Variants in GLS observed in about 807,000 individuals in gnomAD.
GLS encodes glutaminase.
Under a neutral mutation model 86.7 loss-of-function variants are expected in GLS, and 36 were observed. The observed-to-expected ratio is 0.42, with a 90% CI of 0.32 to 0.55. The LOEUF is 0.55. Ranked by LOEUF, GLS falls within the 20% of genes least tolerant of loss-of-function variation. The pLI is 0.17. For missense variants in GLS, 528 were observed against 833.4 expected (o/e 0.63, Z 4.51); for synonymous variants, 317 against 305.9 (o/e 1.04, Z -0.38).
At chr2:190,910,357 CT>C (rs397869711) in intron 7 of GLS, 36 bp downstream of exon 7, 26,349 of 909,124 alleles carry the variant, frequency 0.029, 5 homozygotes, top group South Asian at 0.052. Flanking sequence ...CCTAGTAAAA[CT>C]TTTTTTTTTT....
intron 14 of GLS, among the ~76,000 whole-genome samples, chr2:190,945,196 AC>A (rs1431261289): frequency 6.6e-6 from 1 of 152,222 alleles, no homozygotes; most frequent in African/African-American, 2.4e-5. Flanking sequence ...AACAGAAATA[AC>A]ATTTGGAGCA....
At chr2:190,892,281 A>G (rs989338015) in intron 1 of GLS, among the ~76,000 whole-genome samples, 1 of 152,200 alleles carries the variant, frequency 6.6e-6, no homozygotes, top group African/African-American at 2.4e-5. Flanking sequence ...CGAGAGAGAC[A>G]GTATAAGTTG....
chr2:190,930,371 T>C lies in GLS; in HGVS notation c.1426-66T>C. 1 of 1,239,456 alleles carries C rather than the reference T, an allele frequency of 8.1e-7. No homozygotes were observed. The highest frequency in any genetic ancestry group is 2.3e-5 in the East Asian group (1 of 42,624). 76.8% of individuals were successfully genotyped at this position (1,239,456 alleles called of 1,614,324 possible). ...TGGTGCCCAGCCCCAGTTTCCCTAT[T>C]GTTGAACATAACATTTCTTATTTTA... On this transcript the variant is annotated intron_variant, in intron 12 of 17. Coordinates refer to ENST00000320717, the MANE Select transcript of GLS (RefSeq NM_014905.5). This position sits in a 1 kb window ranked among gnomAD's most constrained non-coding sequence, Gnocchi z 5.0.
chr2:190,895,587 T>A lies in GLS; in HGVS notation c.484-17T>A. 1 of 1,570,848 alleles carries A rather than the reference T, an allele frequency of 6.4e-7. No individual in the cohort carries two copies. Among genetic ancestry groups the A allele is most frequent in the African/African-American group, 1.4e-5 (1 of 73,854 alleles). ...TTTGCACTATATATTTACAAACTCTTATTTTTTTAAAAACAGGCACTCAAA... is the reference window on the plus strand; with the variant it reads ...TTTGCACTATATATTTACAAACTCTAATTTTTTTAAAAACAGGCACTCAAA... On this transcript the variant is annotated splice_polypyrimidine_tract_variant and intron_variant, in intron 2 of 17. Coordinates refer to ENST00000320717, the MANE Select transcript of GLS (RefSeq NM_014905.5). This position sits in a 1 kb window ranked among gnomAD's most constrained non-coding sequence, Gnocchi z 4.2.
chr2:190,934,646 T>C (rs1337325925), intron 14 of GLS: 1 of 983,960 alleles, frequency 1.0e-6, no homozygotes, highest in Non-Finnish European at 1.2e-6. Context: ...TACCATTTCA[T>C]TCCGAAGTTG....
intron 4 of GLS, among the ~76,000 whole-genome samples, chr2:190,900,966 A>T (rs1292518928): frequency 1.3e-5 from 2 of 152,176 alleles, no homozygotes; most frequent in African/African-American, 4.8e-5. Context: ...AAAAAATCTT[A>T]TTCAGAATTT....
intron 1 of GLS, among the ~76,000 whole-genome samples, chr2:190,891,665 T>A (rs999255652): frequency 1.3e-5 from 2 of 152,036 alleles, no homozygotes; most frequent in Non-Finnish European, 2.9e-5. Context: ...CAAAGACAGT[T>A]CCTCTTTTCA....
rs994547231 is a variant in GLS, at chr2:190,933,152, G to A, written c.1650+1515G>A. 50 of 852,276 alleles carry A rather than the reference G, an allele frequency of 5.9e-5. No individual in the cohort carries two copies. The African/African-American group carries it at 7.8e-4, about 13-fold the overall frequency. 52.8% of individuals were successfully genotyped at this position (852,276 alleles called of 1,614,324 possible). On this transcript the variant is annotated intron_variant, in intron 14 of 17. Coordinates refer to ENST00000320717, the MANE Select transcript of GLS (RefSeq NM_014905.5). Reference sequence around the variant, plus strand: ...GATGTAATTAAAATGTTAACTATGTGGTCAGATAATCCCATTTTACAATAG... The same window carrying A: ...GATGTAATTAAAATGTTAACTATGTAGTCAGATAATCCCATTTTACAATAG...
In GLS at chr2:190,954,969, G is replaced by A. The variant is rs1001924323; in HGVS notation, c.1853+151G>A. The stretch of plus-strand genomic sequence containing the variant: ...AATAAACCTTGTTTCTACTAGATAG[G>A]TAATTCTGTCTCCCATATCCTGTTT... On this transcript the variant is annotated intron_variant, in intron 17 of 17. Coordinates refer to ENST00000320717, the MANE Select transcript of GLS (RefSeq NM_014905.5). This position sits in a 1 kb window ranked among gnomAD's most constrained non-coding sequence, Gnocchi z 4.0. 3.3e-6 allele frequency: 2 copies of A among 600,168 alleles called. No individual in the cohort carries two copies. The highest frequency in any genetic ancestry group is 3.7e-5 in the African/African-American group (2 of 53,768). 37.2% of individuals were successfully genotyped at this position (600,168 alleles called of 1,614,324 possible).
intron 17 of GLS, among the ~76,000 whole-genome samples, chr2:190,958,089 A>G (rs1690905436): frequency 2.0e-5 from 3 of 152,206 alleles, no homozygotes; most frequent in Non-Finnish European, 4.4e-5. Context: ...TTCAGAGGCT[A>G]TTAATTACTG....
intron 6 of GLS, among the ~76,000 whole-genome samples, chr2:190,908,025 G>T (rs546142282): frequency 2.6e-5 from 4 of 152,162 alleles, no homozygotes; most frequent in African/African-American, 7.2e-5. Flanking sequence ...ATGAATTGTG[G>T]ATGGTTGGGA....
At chr2:190,933,668 TAAAC>T (rs1304985264) in intron 14 of GLS, 8 of 954,902 alleles carry the variant, frequency 8.4e-6, no homozygotes, top group Non-Finnish European at 8.7e-6. Flanking sequence ...ATTGTTCACC[TAAAC>T]AATTTTATTT....
In GLS at chr2:190,955,806, TGATC is replaced by T. The variant is rs1266719263; in HGVS notation, c.1853+990_1853+993del. Reference sequence around the variant, plus strand: ...CCAGCATCTATTGTTTCCTTTTTAGTGATCGCCATTCTAACTGGTGTGAGATGGT... The same window carrying T: ...CCAGCATCTATTGTTTCCTTTTTAGTGCCATTCTAACTGGTGTGAGATGGT... On this transcript the variant is annotated intron_variant, in intron 17 of 17. Transcript: ENST00000320717. This position sits in a 1 kb window ranked among gnomAD's most constrained non-coding sequence, Gnocchi z 5.6. 2.0e-5 allele frequency among the ~76,000 whole-genome samples: 3 copies of T among 152,380 alleles called. No homozygotes were observed. In the East Asian group the frequency reaches 5.8e-4, roughly 29 times the overall value.
At chr2:190,922,184 T>C (rs1401360981) in intron 9 of GLS, among the ~76,000 whole-genome samples, 1 of 152,146 alleles carries the variant, frequency 6.6e-6, no homozygotes, top group Non-Finnish European at 1.5e-5. Flanking sequence ...GGGTGTGTTA[T>C]AAAAAACTTT....
chr2:190,880,872 CGCAGCAGCAGCA>C lies in GLS; in HGVS notation c.-176_-165del, dbSNP rs57674096. 3,420 of 742,372 alleles carry C rather than the reference CGCAGCAGCAGCA, an allele frequency of 4.6e-3. 96 individuals carry two copies. The highest frequency in any genetic ancestry group is 0.036 in the African/African-American group (1,981 of 55,738). The allele number at this position is 742,372 out of a possible 1,614,324, so 46.0% of individuals were successfully genotyped here. ...AGAACCGGTCGCGGCAATCCTAGCGCGCAGCAGCAGCAGCAGCAGCAGCAGCAGCAGCAGCAG... is the reference window on the plus strand; with the variant it reads ...AGAACCGGTCGCGGCAATCCTAGCGCGCAGCAGCAGCAGCAGCAGCAGCAG... On this transcript the variant is annotated 5_prime_UTR_variant, in exon 1 of 18. Transcript: ENST00000320717.
chr2:190,924,119 C>G lies in GLS; in HGVS notation c.1197+136C>G. 3.3e-6 allele frequency: 2 copies of G among 597,672 alleles called. No homozygotes were observed. The highest frequency in any genetic ancestry group is 5.9e-6 in the Non-Finnish European group (2 of 336,504). The allele number at this position is 597,672 out of a possible 1,614,324, so 37.0% of individuals were successfully genotyped here. A position where few individuals can be genotyped will look rare whatever the true frequency, so the allele number is the denominator to read the frequency against. ...AAGGTGCAGAAGTTTTTGCAGAGTGCTCGTGAGTCAGTGTTATCAAATTGT... is the reference window on the plus strand; with the variant it reads ...AAGGTGCAGAAGTTTTTGCAGAGTGGTCGTGAGTCAGTGTTATCAAATTGT... On this transcript the variant is annotated intron_variant, in intron 10 of 17. Transcript: ENST00000320717. The surrounding 1 kb of genome is among the most constrained non-coding windows in gnomAD (Gnocchi z 5.2).
Position 190,956,827 on chromosome 2 carries a change from G to GT in GLS, c.1853+2010dup, listed in dbSNP as rs1386937456. Among the ~76,000 whole-genome samples, 1 of 152,122 alleles carries GT rather than the reference G, an allele frequency of 6.6e-6. No individual in the cohort carries two copies. Among genetic ancestry groups the GT allele is most frequent in the Non-Finnish European group, 1.5e-5 (1 of 68,024 alleles). ...CTTGAAGAGGTCCTTCACATCCCTT[G>GT]TAAGTTGAATTCCTAGGTATTTTAT... On this transcript the variant is annotated intron_variant, in intron 17 of 17. Transcript: ENST00000320717. This position sits in a 1 kb window ranked among gnomAD's most constrained non-coding sequence, Gnocchi z 4.2.
chr2:190,947,192 A>T lies in GLS; in HGVS notation c.1651-6373A>T, dbSNP rs1356307091. On this transcript the variant is annotated intron_variant, in intron 14 of 17. Transcript: ENST00000320717. This position sits in a 1 kb window ranked among gnomAD's most constrained non-coding sequence, Gnocchi z 5.0. ...TCAACCTTTAAACAAGCTCAAACTG[A>T]GTAGGATAATGATAGGATTAAAGAC... 1.3e-5 allele frequency among the ~76,000 whole-genome samples: 2 copies of T among 152,204 alleles called. No homozygotes were observed. Among genetic ancestry groups the T allele is most frequent in the Admixed American group, 1.3e-4 (2 of 15,278 alleles).
intron 7 of GLS, among the ~76,000 whole-genome samples, chr2:190,917,523 T>C (rs571264895): frequency 2.8e-4 from 42 of 152,306 alleles, no homozygotes; most frequent in African/African-American, 1.0e-3. Context: ...TTCTTAATGA[T>C]ATTTAGAATG....
Sources: gnomAD v4.1 joint callset for allele counts (sites outside exome capture counted in the v4.1 genomes callset) on GRCh38, gnomAD v4.1.1 for gene constraint, Gnocchi (gnomAD v3.1) non-coding constraint, MANE v1.5 for transcripts, NCBI Gene and HGNC (gene_info 2026-07-23, HGNC 2026-07-21) for gene names.